The following ANLN variants were observed in gnomAD, a reference collection of about 807,000 sequenced individuals.
The protein encoded by ANLN is anillin.
A neutral mutation model predicts 135.1 loss-of-function variants in ANLN; 59 were observed. The ratio of observed to expected loss-of-function variants is 0.44; its 90% CI spans 0.35 to 0.54. The LOEUF is 0.54. Ranked by LOEUF, ANLN falls within the 20% of genes least tolerant of loss-of-function variation. The pLI, the probability that ANLN is intolerant of heterozygous loss-of-function variation, is 0.00. For missense variants in ANLN, 1,182 were observed against 1,340.0 expected, an observed-to-expected ratio of 0.88 and a Z score of 1.84; for synonymous variants, 406 against 456.4, an observed-to-expected ratio of 0.89 and a Z score of 1.41.
intron 23 of ANLN, among the ~76,000 whole-genome samples, chr7:36,451,043 C>A (rs1470584818): frequency 6.6e-6 from 1 of 152,114 alleles, no homozygotes; most frequent in Non-Finnish European, 1.5e-5. Context: ...ACCCTTCGCC[C>A]AAGCATATGA....
Position 36,396,248 on chromosome 7 carries a change from A to G in ANLN, c.19-18A>G. The stretch of plus-strand genomic sequence containing the variant: ...TGATTAAACTTGTGTTTTAACACTG[A>G]TATATTTATTTATGTAGAAACTGCT... On this transcript the variant is annotated intron_variant, in intron 1 of 23. Coordinates refer to ENST00000265748, the MANE Select transcript of ANLN (RefSeq NM_018685.5). 6.4e-7 allele frequency: 1 copy of G among 1,554,256 alleles called. No individual in the cohort carries two copies. The highest frequency in any genetic ancestry group is 8.7e-7 in the Non-Finnish European group (1 of 1,145,910).
At chr7:36,428,233 A>T in intron 20 of ANLN, 1 of 713,520 alleles carries the variant, frequency 1.4e-6, no homozygotes, top group Non-Finnish European at 1.9e-6. Context: ...CTTTTTATTT[A>T]GTAATTCAGC....
chr7:36,395,777 A>G (rs930768384), intron 1 of ANLN, among the ~76,000 whole-genome samples: 11 of 151,898 alleles, frequency 7.2e-5, no homozygotes, highest in African/African-American at 2.7e-4. Context: ...AGGTGGCCTT[A>G]TTCATATGTT....
In ANLN at chr7:36,418,334, A is replaced by G. The variant is rs151260466; in HGVS notation, c.1634-910A>G. 3.1e-4 allele frequency among the ~76,000 whole-genome samples: 47 copies of G among 152,290 alleles called. No individual in the cohort carries two copies. The East Asian group carries it at 8.9e-3, about 29-fold the overall frequency. On this transcript the variant is annotated intron_variant, in intron 9 of 23. Transcript: ENST00000265748. ...CGTCTTAAGAACCACAATGAGAAAG[A>G]TAGGAGAAGATTAGAGTCCTGCCGT...
At chr7:36,423,239 A>G (rs1787953160) in intron 14 of ANLN, among the ~76,000 whole-genome samples, 1 of 152,114 alleles carries the variant, frequency 6.6e-6, no homozygotes, top group South Asian at 2.1e-4. Flanking sequence ...GGCATAGGGA[A>G]AGTAAATGGA....
Position 36,402,109 on chromosome 7 carries a change from G to C in ANLN, c.487+2716G>C. ...GCTGTAACATTGCCTCTTCAATAAA[G>C]CTATTTTTTTTTTTTTTTTTGAGGT... On this transcript the variant is annotated intron_variant, in intron 3 of 23. Transcript: ENST00000265748. Among the ~76,000 whole-genome samples, 3 of 91,356 alleles carry C rather than the reference G, an allele frequency of 3.3e-5. 1 individual carries two copies. The highest frequency in any genetic ancestry group is 7.1e-5 in the Non-Finnish European group (3 of 42,202). 59.9% of individuals were successfully genotyped at this position (91,356 alleles called of 152,430 possible). A position where few individuals can be genotyped will look rare whatever the true frequency, so the allele number is the denominator to read the frequency against.
At chr7:36,397,388 G>C (rs1275087676) in intron 2 of ANLN, among the ~76,000 whole-genome samples, 1 of 152,124 alleles carries the variant, frequency 6.6e-6, no homozygotes, top group East Asian at 1.9e-4. Context: ...TTTGAAACCA[G>C]TGTTACCTAA....
In ANLN at chr7:36,389,926, CTCCT is replaced by C; in HGVS notation, c.-100_-97del. On this transcript the variant is annotated 5_prime_UTR_variant, in exon 1 of 24. Coordinates refer to ENST00000265748, the MANE Select transcript of ANLN (RefSeq NM_018685.5). ...TGTGGGAGAGTTCCCCCGCCTCAGA[CTCCT>C]GGTTTTTTCCAGGAGACACACTGAG... 1 of 1,608,768 alleles carries C rather than the reference CTCCT, an allele frequency of 6.2e-7. No individual in the cohort carries two copies. Among genetic ancestry groups the C allele is most frequent in the Non-Finnish European group, 8.5e-7 (1 of 1,176,106 alleles).
intron 11 of ANLN, 95 bp downstream of exon 11, chr7:36,420,409 A>G: frequency 6.9e-7 from 1 of 1,457,594 alleles, no homozygotes; most frequent in South Asian, 1.3e-5. Context: ...GTTATTAATA[A>G]CTCATCTGTA....
In ANLN at chr7:36,420,277, G is replaced by T; in HGVS notation, c.1978G>T (p.Asp660Tyr). The change falls in exon 11 of 24, where the codon GAT becomes TAT. Residue 660 changes from aspartate to tyrosine, a missense_variant. Physicochemically the swap from Asp to Tyr is radical, Grantham distance 160. Transcript: ENST00000265748. ...RTRVPRAESG[D>Y]SLGSEDRDLL... ...TCGTGTCCCTCGAGCTGAATCTGGTGATAGCCTTGGTTCTGAAGATCGTGA... is the reference window on the plus strand; with the variant it reads ...TCGTGTCCCTCGAGCTGAATCTGGTTATAGCCTTGGTTCTGAAGATCGTGA... 6.2e-7 allele frequency: 1 copy of T among 1,614,104 alleles called. No homozygotes were observed. Among genetic ancestry groups the T allele is most frequent in the Non-Finnish European group, 8.5e-7 (1 of 1,179,976 alleles).
chr7:36,409,319 C>T (rs2116592846), intron 5 of ANLN, among the ~76,000 whole-genome samples: 1 of 152,184 alleles, frequency 6.6e-6, no homozygotes, highest in Middle Eastern at 3.4e-3. Flanking sequence ...AGGTGAAGTC[C>T]TCAAATTATG....
chr7:36,449,871 A>G lies in ANLN; in HGVS notation c.3251+34A>G, dbSNP rs778981441. 1.9e-6 allele frequency: 3 copies of G among 1,590,660 alleles called. No individual in the cohort carries two copies. In the South Asian group the frequency reaches 3.4e-5, roughly 18 times the overall value. ...TGGCCTATAAATATTTCTATCAACT[A>G]AGCAATTGATTGCCCACTATGTACT... On this transcript the variant is annotated intron_variant, in intron 23 of 23. Transcript: ENST00000265748.
chr7:36,436,897 A>AT, intron 20 of ANLN, among the ~76,000 whole-genome samples: 1 of 152,216 alleles, frequency 6.6e-6, no homozygotes, highest in Non-Finnish European at 1.5e-5. Context: ...TCAGATATAT[A>AT]ATTGACAAAT....
intron 5 of ANLN, among the ~76,000 whole-genome samples, chr7:36,408,822 T>A (rs1370643060): frequency 2.0e-5 from 3 of 152,200 alleles, no homozygotes; most frequent in Non-Finnish European, 4.4e-5. Context: ...AATGCCATAT[T>A]TATCTTGTGG....
chr7:36,432,334 G>T (rs1788366245), intron 20 of ANLN, among the ~76,000 whole-genome samples: 1 of 152,178 alleles, frequency 6.6e-6, no homozygotes, highest in Non-Finnish European at 1.5e-5. Context: ...TTTGGTAGAA[G>T]CTGCTTCTTC....
At chr7:36,406,052 G>C in intron 3 of ANLN, 129 bp from the exon 4 acceptor site, 1 of 744,276 alleles carries the variant, frequency 1.3e-6, no homozygotes. Context: ...TTTCATGCAT[G>C]CTAGAACTTT....
chr7:36,422,679 C>T lies in ANLN; in HGVS notation c.2346C>T (p.Asn782=), dbSNP rs772500301. 3.4e-5 allele frequency: 55 copies of T among 1,611,492 alleles called. No individual in the cohort carries two copies. The highest frequency in any genetic ancestry group is 3.9e-5 in the Non-Finnish European group (46 of 1,179,322). The part of the protein sequence containing the change: ...LLIDELNKLK[N]EGPQRKNKAS... ...TTGATGAATTGAATAAATTGAAGAA[C>T]GAAGGACCTCAGAGGAAGAATAAGG... The change falls in exon 14 of 24, where the codon AAC becomes AAT. Residue 782 remains asparagine (N), a synonymous_variant. Transcript: ENST00000265748.
chr7:36,449,824 C>G lies in ANLN; in HGVS notation c.3238C>G (p.Leu1080Val). The change falls in exon 23 of 24, where the codon CTC (leucine) becomes GTC (valine). Residue 1080 changes from leucine (L) to valine (V), a missense_variant. By Grantham distance (32) the Leu-to-Val change is conservative (BLOSUM62 1). Transcript: ENST00000265748. ...ETLVSQCRDTLCVTKNWLSAD... is the reference protein window; with the variant it reads ...ETLVSQCRDTVCVTKNWLSAD... ...TCTTGTCAGCCAATGCAGGGACACA[C>G]TCTGTGTTACCAAGTATGTATTGGC... is the stretch of plus-strand genomic sequence containing the variant. The G allele has an allele frequency of 6.2e-7, 1 of 1,613,682 alleles. No homozygotes were observed. Among genetic ancestry groups the G allele is most frequent in the Non-Finnish European group, 8.5e-7 (1 of 1,179,794 alleles).
chr7:36,431,618 A>ATATG (rs1788332894), intron 20 of ANLN, among the ~76,000 whole-genome samples: 1 of 2,552 alleles, frequency 3.9e-4, no homozygotes, highest in South Asian at 0.045. Context: ...TATATATATA[A>ATATG]TATATATATA....
Sources: gnomAD v4.1 joint callset for allele counts (sites outside exome capture counted in the v4.1 genomes callset) on GRCh38, gnomAD v4.1.1 for gene constraint, MANE v1.5 for transcripts, NCBI Gene and HGNC (gene_info 2026-07-23, HGNC 2026-07-21) for gene names.